The following IQGAP2 variants were observed in gnomAD, a reference collection of about 807,000 sequenced individuals.
The protein encoded by IQGAP2 is IQ motif containing GTPase activating protein 2, also known as ras GTPase-activating-like protein IQGAP2.
IQGAP2 carries 173 observed loss-of-function variants against 201.3 expected under a neutral mutation model. The observed-to-expected ratio is 0.86, with a 90% CI of 0.76 to 0.98. The LOEUF (loss-of-function observed/expected upper bound fraction) is 0.98. IQGAP2 is among the 50% of genes least tolerant of loss of function. IQGAP2 has a pLI of 0.00. For synonymous variants in IQGAP2, 675 were observed against 673.9 expected (o/e 1.00, Z -0.03); for missense variants, 1,687 against 1,864.8 (o/e 0.90, Z 1.76).
At chr5:76,509,304 C>T (rs1233698364) in intron 2 of IQGAP2, among the ~76,000 whole-genome samples, 2 of 151,950 alleles carry the variant, frequency 1.3e-5, no homozygotes, top group East Asian at 1.9e-4. Flanking sequence ...TGTTTATGAT[C>T]GTATTGTTGA....
intron 2 of IQGAP2, among the ~76,000 whole-genome samples, chr5:76,502,540 T>C (rs184677065): frequency 6.6e-6 from 1 of 152,208 alleles, no homozygotes; most frequent in Non-Finnish European, 1.5e-5. Context: ...ACTTTGTGTA[T>C]GTTTGAATTC....
intron 24 of IQGAP2, among the ~76,000 whole-genome samples, chr5:76,672,454 A>G (rs567631942): frequency 6.6e-6 from 1 of 152,318 alleles, no homozygotes; most frequent in South Asian, 2.1e-4. Flanking sequence ...GAATTATGTA[A>G]TTATGTGGGT....
intron 2 of IQGAP2, among the ~76,000 whole-genome samples, chr5:76,542,142 C>A (rs1742818373): frequency 6.8e-6 from 1 of 146,848 alleles, no homozygotes; most frequent in African/African-American, 2.5e-5. Flanking sequence ...CAACACCATG[C>A]CATACTAATT....
chr5:76,679,055 A>G (rs948064482), intron 28 of IQGAP2, among the ~76,000 whole-genome samples: 1 of 152,222 alleles, frequency 6.6e-6, no homozygotes, highest in African/African-American at 2.4e-5. Flanking sequence ...ATAATTATCT[A>G]CTGGACAGAC....
intron 4 of IQGAP2, among the ~76,000 whole-genome samples, chr5:76,574,966 A>C (rs1745368544): frequency 6.6e-6 from 1 of 152,194 alleles, no homozygotes; most frequent in Admixed American, 6.5e-5. Flanking sequence ...AGTATAATGA[A>C]GGGGATGGGA....
chr5:76,426,534 C>T (rs1333126508), intron 1 of IQGAP2, among the ~76,000 whole-genome samples: 1 of 152,224 alleles, frequency 6.6e-6, no homozygotes, highest in Non-Finnish European at 1.5e-5. Context: ...TAGAACATCA[C>T]CATTCAACAG....
At chr5:76,562,305 T>G in intron 2 of IQGAP2, 91 bp from the exon 3 acceptor site, 1 of 922,870 alleles carries the variant, frequency 1.1e-6, no homozygotes, top group South Asian at 1.7e-5. Context: ...TTCCTTTGTC[T>G]CCAACACACA....
intron 5 of IQGAP2, among the ~76,000 whole-genome samples, chr5:76,588,203 A>G (rs1746382729): frequency 6.6e-6 from 1 of 152,176 alleles, no homozygotes; most frequent in Non-Finnish European, 1.5e-5. Flanking sequence ...CATATATACT[A>G]TTACTTGAAA....
chr5:76,548,801 G>A (rs141575092), intron 2 of IQGAP2, among the ~76,000 whole-genome samples: 1 of 152,298 alleles, frequency 6.6e-6, no homozygotes, highest in African/African-American at 2.4e-5. Context: ...TAGAGTGGGA[G>A]TCTCATTATA....
intron 2 of IQGAP2, among the ~76,000 whole-genome samples, chr5:76,467,502 A>G (rs931201241): frequency 6.6e-5 from 10 of 152,350 alleles, no homozygotes; most frequent in African/African-American, 2.2e-4. Flanking sequence ...AATGTTAGTG[A>G]GGATGTAGAG....
intron 2 of IQGAP2, among the ~76,000 whole-genome samples, chr5:76,487,909 G>A (rs542660226): frequency 6.6e-6 from 1 of 152,306 alleles, no homozygotes; most frequent in South Asian, 2.1e-4. Context: ...ACCATATTGG[G>A]AAGCCATGAC....
In IQGAP2 at chr5:76,557,863, G is replaced by T. The variant is rs190882239; in HGVS notation, c.147-4533G>T. On this transcript the variant is annotated intron_variant, in intron 2 of 35. Transcript: ENST00000274364. ...ACTCTGTCGCCCAGGCTGGAGTGGA[G>T]TGGTGCGATCTTGGCTCACTGCAAC... Among the ~76,000 whole-genome samples the T allele has an allele frequency of 1.3e-3, 196 of 152,182 alleles. 1 individual carries two copies. The highest frequency in any genetic ancestry group is 3.5e-3 in the African/African-American group (147 of 41,528).
chr5:76,464,526 C>T (rs936136030), intron 2 of IQGAP2, among the ~76,000 whole-genome samples: 1 of 152,044 alleles, frequency 6.6e-6, no homozygotes. Context: ...GACTTTATTG[C>T]ATTTTAATTA....
At chr5:76,424,343 C>T (rs1751885091) in intron 1 of IQGAP2, among the ~76,000 whole-genome samples, 1 of 151,894 alleles carries the variant, frequency 6.6e-6, no homozygotes, top group Admixed American at 6.6e-5. Context: ...AAGTTTTGCT[C>T]ATTGCCCAGG....
intron 2 of IQGAP2, among the ~76,000 whole-genome samples, chr5:76,528,068 C>G (rs1759068902): frequency 6.6e-6 from 1 of 152,160 alleles, no homozygotes; most frequent in Admixed American, 6.5e-5. Flanking sequence ...GTCCTTTTAT[C>G]TTAGCGACCT....
At chr5:76,638,843 G>A (rs1469330942) in intron 16 of IQGAP2, among the ~76,000 whole-genome samples, 1 of 152,240 alleles carries the variant, frequency 6.6e-6, no homozygotes, top group Non-Finnish European at 1.5e-5. Context: ...TAGTGAGGTA[G>A]ATCTTGCCGA....
chr5:76,496,745 C>CTTTCTTTCTTTCT lies in IQGAP2; in HGVS notation c.146+35079_146+35091dup, dbSNP rs1561416306. ...CTTTCTTTTCTTTCTTTCTTTCTTT[C>CTTTCTTTCTTTCT]TTTCTTTCTTTCTTTCTTTCTTTCT... On this transcript the variant is annotated intron_variant, in intron 2 of 35. Transcript: ENST00000274364. Among the ~76,000 whole-genome samples the CTTTCTTTCTTTCT allele has an allele frequency of 1.1e-3, 54 of 51,102 alleles. 2 individuals carry two copies. The highest frequency in any genetic ancestry group is 4.4e-3 in the South Asian group (8 of 1,802). 33.5% of individuals were successfully genotyped at this position (51,102 alleles called of 152,430 possible).
intron 2 of IQGAP2, chr5:76,510,515 A>C (rs1757897616): frequency 2.7e-6 from 1 of 374,790 alleles, no homozygotes; most frequent in Non-Finnish European, 5.3e-6. Flanking sequence ...CGTGGTGCTC[A>C]TCTGGCTGCT....
chr5:76,528,321 C>T (rs944893456), intron 2 of IQGAP2, among the ~76,000 whole-genome samples: 1 of 150,528 alleles, frequency 6.6e-6, no homozygotes, highest in Non-Finnish European at 1.5e-5. Context: ...CTTGTTTTTC[C>T]AGCAAGTCAG....
Sources: gnomAD v4.1 joint callset for allele counts (sites outside exome capture counted in the v4.1 genomes callset) on GRCh38, gnomAD v4.1.1 for gene constraint, MANE v1.5 for transcripts, NCBI Gene and HGNC (gene_info 2026-07-23, HGNC 2026-07-21) for gene names.